Variants in AKT3 observed in about 807,000 individuals in gnomAD.
AKT3 encodes AKT serine/threonine kinase 3.
AKT3 carries 15 observed loss-of-function variants against 65.3 expected under a neutral mutation model. The ratio of observed to expected loss-of-function variants is 0.23; its 90% CI spans 0.15 to 0.35. AKT3 has a LOEUF of 0.35. Ranked by LOEUF, AKT3 falls within the 10% of genes least tolerant of loss-of-function variation. The pLI is 1.00. For missense variants in AKT3, 243 were observed against 576.5 expected (o/e 0.42, Z 5.92); for synonymous variants, 206 against 183.8 (o/e 1.12, Z -0.98).
chr1:243,598,564 AC>A (rs1434603650), intron 8 of AKT3, among the ~76,000 whole-genome samples: 1 of 152,140 alleles, frequency 6.6e-6, no homozygotes, highest in Non-Finnish European at 1.5e-5. Context: ...GTGTAGCTGT[AC>A]TCCCACGGTT....
intron 4 of AKT3, among the ~76,000 whole-genome samples, chr1:243,646,883 C>T (rs971919120): frequency 1.1e-4 from 17 of 152,214 alleles, no homozygotes; most frequent in Non-Finnish European, 2.5e-4. Flanking sequence ...CAATCAGTCT[C>T]AGGAGCATTT....
intron 6 of AKT3, among the ~76,000 whole-genome samples, chr1:243,634,261 G>A (rs1405916129): frequency 6.6e-6 from 1 of 151,804 alleles, no homozygotes; most frequent in Non-Finnish European, 1.5e-5. Flanking sequence ...TTTTATTCTT[G>A]TATTATTATT....
intron 8 of AKT3, among the ~76,000 whole-genome samples, chr1:243,591,498 T>C (rs1320038304): frequency 6.6e-6 from 1 of 152,138 alleles, no homozygotes; most frequent in Non-Finnish European, 1.5e-5. Flanking sequence ...TAAAATTCAA[T>C]GTCTGGCATC....
intron 6 of AKT3, among the ~76,000 whole-genome samples, chr1:243,621,987 C>T (rs1678787266): frequency 6.6e-6 from 1 of 152,128 alleles, no homozygotes; most frequent in South Asian, 2.1e-4. Flanking sequence ...GCTTCCAATC[C>T]ACAGTCTATT....
intron 3 of AKT3, chr1:243,687,620 T>C (rs1275991591): frequency 1.3e-5 from 2 of 152,110 alleles, no homozygotes; most frequent in African/African-American, 2.4e-5. Flanking sequence ...TTCTGTTTTT[T>C]TTTTCTTTCC....
intron 8 of AKT3, among the ~76,000 whole-genome samples, chr1:243,610,657 C>T (rs541778494): frequency 6.6e-6 from 1 of 152,180 alleles, no homozygotes; most frequent in Non-Finnish European, 1.5e-5. Context: ...CTGAAAAATA[C>T]ATAAATGAAA....
chr1:243,552,997 T>C, intron 10 of AKT3, 54 bp from the exon 11 acceptor site: 1 of 1,358,700 alleles, frequency 7.4e-7, no homozygotes. Context: ...TTTTAAAGCA[T>C]TATTCATAAA....
At chr1:243,573,202 C>G (rs914262280) in intron 8 of AKT3, among the ~76,000 whole-genome samples, 154 bp from the exon 9 acceptor site, 1 of 152,120 alleles carries the variant, frequency 6.6e-6, no homozygotes, top group African/African-American at 2.4e-5. Context: ...GCTGGCTTAT[C>G]TTTTCCAGGT....
At chr1:243,663,940 G>A (rs1232413763) in intron 4 of AKT3, among the ~76,000 whole-genome samples, 1 of 152,034 alleles carries the variant, frequency 6.6e-6, no homozygotes, top group East Asian at 1.9e-4. Flanking sequence ...TGATGAGTTG[G>A]TTACTACAGT....
chr1:243,505,453 A>T, intron 13 of AKT3, 119 bp from the exon 14 acceptor site: 1 of 759,374 alleles, frequency 1.3e-6, no homozygotes. Context: ...AGCTCCCATA[A>T]ACTTGTGTTC....
chr1:243,617,677 T>G (rs1468968639), intron 6 of AKT3, among the ~76,000 whole-genome samples: 2 of 152,054 alleles, frequency 1.3e-5, no homozygotes, highest in African/African-American at 4.8e-5. Context: ...ATTGTGATGG[T>G]GTGGGACATA....
intron 2 of AKT3, among the ~76,000 whole-genome samples, chr1:243,812,550 T>TAGG (rs957941155): frequency 7.3e-5 from 11 of 150,576 alleles, no homozygotes; most frequent in Admixed American, 2.0e-4. Context: ...AGTGGAGAAA[T>TAGG]AACACTTTTA....
intron 10 of AKT3, among the ~76,000 whole-genome samples, chr1:243,553,574 T>G (rs1346384588): frequency 6.6e-6 from 1 of 152,196 alleles, no homozygotes; most frequent in Admixed American, 6.5e-5. Context: ...TGTAATAAAC[T>G]TTGATAGCCA....
At chr1:243,605,087 C>T (rs1165258788) in intron 8 of AKT3, among the ~76,000 whole-genome samples, 1 of 152,194 alleles carries the variant, frequency 6.6e-6, no homozygotes, top group African/African-American at 2.4e-5. Flanking sequence ...TGCAGTAGCA[C>T]AACCATGGCT....
chr1:243,744,763 AT>A (rs1688379567), intron 2 of AKT3, among the ~76,000 whole-genome samples: 1 of 149,446 alleles, frequency 6.7e-6, no homozygotes, highest in Non-Finnish European at 1.5e-5. Flanking sequence ...AAAAAAAATT[AT>A]TATACATAAC....
intron 2 of AKT3, among the ~76,000 whole-genome samples, chr1:243,763,901 T>TG (rs1337298605): frequency 1.3e-5 from 2 of 152,124 alleles, no homozygotes; most frequent in Non-Finnish European, 2.9e-5. Context: ...TCAAAAGACT[T>TG]GTAAATGGAC....
At chr1:243,817,880 G>C (rs918091907) in intron 2 of AKT3, among the ~76,000 whole-genome samples, 1 of 152,150 alleles carries the variant, frequency 6.6e-6, no homozygotes, top group Admixed American at 6.5e-5. Context: ...TTCTATCCAT[G>C]AATTAACTCA....
At chr1:243,561,630 T>C (rs767352742) in intron 10 of AKT3, among the ~76,000 whole-genome samples, 11 of 152,158 alleles carry the variant, frequency 7.2e-5, no homozygotes, top group East Asian at 1.9e-4. Context: ...AGGTGGCACA[T>C]AGTAGATGCT....
chr1:243,489,186 C>A, intron 13 of AKT3: 1 of 1,603,022 alleles, frequency 6.2e-7, no homozygotes, highest in Non-Finnish European at 8.5e-7. Context: ...GGGCGGGCGT[C>A]TACAGGTGGA....
Sources: gnomAD v4.1 joint callset for allele counts (sites outside exome capture counted in the v4.1 genomes callset) on GRCh38, gnomAD v4.1.1 for gene constraint, MANE v1.5 for transcripts, NCBI Gene and HGNC (gene_info 2026-07-23, HGNC 2026-07-21) for gene names.